The following KMT2C variants were observed in gnomAD, a reference collection of about 807,000 sequenced individuals.
The protein encoded by KMT2C is histone-lysine N-methyltransferase 2C.
Under a neutral mutation model 507.9 loss-of-function variants are expected in KMT2C, and 88 were observed. The observed-to-expected ratio is 0.17, with a 90% confidence interval of 0.15 to 0.21. The LOEUF (loss-of-function observed/expected upper bound fraction) is 0.21, where lower values mean the gene tolerates loss of function less well. Among genes scored for constraint, KMT2C ranks in the 10% least tolerant of loss-of-function variants. The probability of loss-of-function intolerance (pLI) is 1.00; values close to 1 mark genes in which losing one functional copy is unlikely to be tolerated. For synonymous variants in KMT2C, 2,049 were observed against 2,080.8 expected, an observed-to-expected ratio of 0.98 and a Z score of 0.42; for missense variants, 4,954 against 5,957.8, an observed-to-expected ratio of 0.83 and a Z score of 5.55.
chr7:152,421,749 G>A (rs1382691899), intron 1 of KMT2C, among the ~76,000 whole-genome samples: 2 of 152,154 alleles, frequency 1.3e-5, no homozygotes, highest in African/African-American at 4.8e-5. Flanking sequence ...TGGAGGCTGG[G>A]AGGAAGTTGA....
At chr7:152,137,444 G>T (rs779049260) in intron 58 of KMT2C, 2 of 156,140 alleles carry the variant, frequency 1.3e-5, no homozygotes, top group African/African-American at 4.8e-5. Context: ...GGGAGTCTGC[G>T]TGAGTCCCAC....
At chr7:152,214,976 T>C (rs578118753) in intron 23 of KMT2C, among the ~76,000 whole-genome samples, 1 of 152,194 alleles carries the variant, frequency 6.6e-6, no homozygotes, top group South Asian at 2.1e-4. Flanking sequence ...AGAGTAACTA[T>C]GGAAGGTGAA....
intron 26 of KMT2C, 113 bp from the exon 27 acceptor site, chr7:152,199,572 A>C (rs1290673506): frequency 5.4e-6 from 3 of 557,098 alleles, no homozygotes; most frequent in Non-Finnish European, 9.0e-6. Flanking sequence ...GTTTATATTT[A>C]ACAATATAGA....
intron 14 of KMT2C, among the ~76,000 whole-genome samples, chr7:152,245,963 G>A (rs2095465881): frequency 6.6e-6 from 1 of 152,098 alleles, no homozygotes; most frequent in Admixed American, 6.6e-5. Flanking sequence ...TCCCCAACGT[G>A]AAGAATATGT....
Position 152,154,197 on chromosome 7 carries a change from A to C in KMT2C, c.12140-51T>G, listed in dbSNP as rs373115930. 207 of 1,610,896 alleles carry C rather than the reference A, an allele frequency of 1.3e-4. 2 individuals are homozygous for C. The East Asian group carries it at 3.1e-3, about 24-fold the overall frequency. On this transcript the variant is annotated intron_variant, in intron 47 of 58. Transcript: ENST00000262189. Reference sequence around the variant, plus strand: ...GAAAATAGTGTTAATGGATTTTCAAAATCAAAATATTTACATTAGTAAATT... The same window carrying C: ...GAAAATAGTGTTAATGGATTTTCAACATCAAAATATTTACATTAGTAAATT...
At chr7:152,365,624 G>A (rs944293208) in intron 1 of KMT2C, among the ~76,000 whole-genome samples, 11 of 152,218 alleles carry the variant, frequency 7.2e-5, no homozygotes, top group South Asian at 2.1e-4. Context: ...GGTCTCAAGC[G>A]ATCCTCCCAC....
Position 152,188,307 on chromosome 7 carries a change from G to A in KMT2C, c.4661-460C>T, listed in dbSNP as rs374260920. Among the ~76,000 whole-genome samples the A allele has an allele frequency of 4.8e-4, 73 of 152,026 alleles. 1 individual carries two copies. The highest frequency in any genetic ancestry group is 1.9e-3 in the Admixed American group (29 of 15,264). ...AGTGTTCTGGAGTCCAAAAGCCCAG[G>A]GTGTGAACCTCAATTTTACCTGTTA... On this transcript the variant is annotated intron_variant, in intron 31 of 58. Transcript: ENST00000262189.
At chr7:152,236,081 C>A (rs1205765542) in intron 15 of KMT2C, 148 bp from the exon 16 acceptor site, 5 of 559,190 alleles carry the variant, frequency 8.9e-6, no homozygotes, top group African/African-American at 7.8e-5. Context: ...TTATTTTTAT[C>A]TTTAAACGTA....
intron 2 of KMT2C, among the ~76,000 whole-genome samples, chr7:152,345,826 T>C (rs1323004122): frequency 1.3e-5 from 2 of 152,170 alleles, no homozygotes; most frequent in Admixed American, 6.6e-5. Context: ...TGGCCTAGAA[T>C]AGATTTTTTA....
chr7:152,247,008 T>C lies in KMT2C; in HGVS notation c.2532+894A>G, dbSNP rs536412849. Among the ~76,000 whole-genome samples, 6 of 152,276 alleles carry C rather than the reference T, an allele frequency of 3.9e-5. No individual in the cohort carries two copies. The South Asian group carries it at 1.2e-3, about 32-fold the overall frequency. ...AAATTATACGATTAAAATCAATATA[T>C]TATTCCTATAAAAAGCCAAACTTTA... On this transcript the variant is annotated intron_variant, in intron 14 of 58. Transcript: ENST00000262189.
intron 34 of KMT2C, 136 bp from the exon 35 acceptor site, chr7:152,183,292 C>CA: frequency 1.6e-6 from 1 of 640,284 alleles, no homozygotes. Flanking sequence ...CGGCACCTCC[C>CA]AAAAAAGGAT....
At chr7:152,389,805 T>A (rs982463868) in intron 1 of KMT2C, among the ~76,000 whole-genome samples, 1 of 152,132 alleles carries the variant, frequency 6.6e-6, no homozygotes, top group African/African-American at 2.4e-5. Flanking sequence ...ATTTTCTTCA[T>A]TATGCTGGTC....
intron 21 of KMT2C, 142 bp from the exon 22 acceptor site, chr7:152,222,208 TA>T: frequency 1.8e-6 from 1 of 564,294 alleles, no homozygotes; most frequent in East Asian, 3.2e-5. Context: ...AAGTGCTTTT[TA>T]AAGCAACAAC....
chr7:152,251,996 C>A lies in KMT2C; in HGVS notation c.1564G>T (p.Ala522Ser). 6.2e-7 allele frequency: 1 copy of A among 1,613,132 alleles called. No individual in the cohort carries two copies. The highest frequency in any genetic ancestry group is 8.5e-7 in the Non-Finnish European group (1 of 1,179,454). The change falls in exon 11 of 59, where the codon GCT (alanine) becomes TCT (serine). Residue 522 changes from alanine (A) to serine (S), a missense_variant. This residue lies in a region of KMT2C where 376 missense variants were observed against 352.4 expected (regional missense o/e 1.07). Coordinates refer to ENST00000262189, the MANE Select transcript of KMT2C (RefSeq NM_170606.3). ...CCTGGCTGTAAACGATCCATCTCAG[C>A]TCCCAGGTGTTTACAATACATGCAG... ...YICMYCKHLG[A>S]EMDRLQPGEE...
At chr7:152,179,036 G>A (rs2093333052) in intron 37 of KMT2C, among the ~76,000 whole-genome samples, 1 of 152,082 alleles carries the variant, frequency 6.6e-6, no homozygotes, top group East Asian at 1.9e-4. Flanking sequence ...TGTCTCCCAG[G>A]CTGGAGTGCA....
Position 152,152,888 on chromosome 7 carries a change from C to T in KMT2C, c.12343G>A (p.Val4115Ile), listed in dbSNP as rs1335291508. 1 of 1,614,186 alleles carries T rather than the reference C, an allele frequency of 6.2e-7. No individual in the cohort carries two copies. The highest frequency in any genetic ancestry group is 1.7e-5 in the Admixed American group (1 of 60,030). ...LHVRIPNSYEVSSAPDVPSMG... is the reference protein window; with the variant it reads ...LHVRIPNSYEISSAPDVPSMG... Reference sequence around the variant, plus strand: ...GATGGGACATCTGGAGCACTGCTAACCTCATAGCTGTTAGGGATTCGGACG... The same window carrying T: ...GATGGGACATCTGGAGCACTGCTAATCTCATAGCTGTTAGGGATTCGGACG... Residue 4115 changes from valine (V) to isoleucine (I), a missense_variant, in exon 49 of 59, where the codon GTT (valine) becomes ATT (isoleucine). Physicochemically the swap from Val to Ile is conservative, Grantham distance 29. Transcript: ENST00000262189.
At chr7:152,386,645 A>G (rs1196608932) in intron 1 of KMT2C, among the ~76,000 whole-genome samples, 4 of 152,326 alleles carry the variant, frequency 2.6e-5, no homozygotes, top group African/African-American at 9.6e-5. Context: ...CCAGGTGGAC[A>G]TCAATGCCTA....
chr7:152,178,698 A>C (rs2093319052), intron 37 of KMT2C, among the ~76,000 whole-genome samples: 1 of 152,368 alleles, frequency 6.6e-6, no homozygotes, highest in East Asian at 1.9e-4. Context: ...GGCAACTTAC[A>C]CAAAATATAA....
intron 1 of KMT2C, among the ~76,000 whole-genome samples, chr7:152,415,105 A>G (rs979373026): frequency 1.3e-5 from 2 of 152,062 alleles, no homozygotes; most frequent in African/African-American, 4.8e-5. Context: ...CTCAGCCTCA[A>G]GTGCTGGGAT....
Sources: allele counts gnomAD v4.1 joint callset (sites outside exome capture counted in the v4.1 genomes callset), GRCh38; gene constraint gnomAD v4.1.1; regional missense constraint gnomAD v4.1.1; transcripts MANE v1.5; gene names NCBI Gene and HGNC (gene_info 2026-07-23, HGNC 2026-07-21).